The following CALN1 variants were observed in gnomAD, a reference collection of about 807,000 sequenced individuals.
CALN1 encodes calneuron 1.
In CALN1, 17 loss-of-function variants were observed where a neutral mutation model predicts 30.6. The observed-to-expected ratio is 0.56, with a 90% CI of 0.38 to 0.83. The LOEUF (loss-of-function observed/expected upper bound fraction) is 0.83, where lower values mean the gene tolerates loss of function less well. Among genes scored for constraint, CALN1 ranks in the 40% least tolerant of loss-of-function variants. CALN1 has a pLI of 0.00. For missense variants in CALN1, 291 were observed against 354.9 expected (o/e 0.82, Z 1.45); for synonymous variants, 156 against 131.4 (o/e 1.19, Z -1.28).
At position 72,050,994 on chromosome 7, in the gene CALN1, C is replaced by CAATAAATA. The variant is rs10601126; in HGVS notation, c.389-27233_389-27226dup. On this transcript the variant is annotated intron_variant, in intron 4 of 6. Coordinates refer to ENST00000395275, the MANE Select transcript of CALN1 (RefSeq NM_031468.4). Reference sequence around the variant, plus strand: ...TGGGTGACAGAGCAAGACTCCACCACAATAAATAAATAAATAAATAAATAA... The same window carrying CAATAAATA: ...TGGGTGACAGAGCAAGACTCCACCACAATAAATAAATAAATAAATAAATAAATAAATAA... Among the ~76,000 whole-genome samples the CAATAAATA allele has an allele frequency of 8.4e-3, 1,167 of 139,260 alleles. 9 individuals carry two copies. The highest frequency in any genetic ancestry group is 0.02 in the African/African-American group (750 of 36,988). The allele number at this position is 139,260 out of a possible 152,430, so 91.4% of individuals were successfully genotyped here.
chr7:71,947,997 T>C (rs747737438), intron 5 of CALN1, among the ~76,000 whole-genome samples: 5 of 151,792 alleles, frequency 3.3e-5, no homozygotes, highest in Non-Finnish European at 7.4e-5. Flanking sequence ...GAGGCAGGTA[T>C]GTAGGAAGAT....
chr7:72,205,573 T>TACAC (rs1791803854), intron 3 of CALN1, among the ~76,000 whole-genome samples: 1 of 120,724 alleles, frequency 8.3e-6, no homozygotes, highest in African/African-American at 4.0e-5. Flanking sequence ...TATATGTATA[T>TACAC]ATATATATAT....
intron 2 of CALN1, among the ~76,000 whole-genome samples, chr7:72,398,548 AG>A (rs1272530873): frequency 6.6e-6 from 1 of 152,224 alleles, no homozygotes; most frequent in Non-Finnish European, 1.5e-5. Flanking sequence ...CCATAGTGGT[AG>A]GGTTATTTAG....
chr7:72,123,397 C>G (rs1420440574), intron 3 of CALN1, among the ~76,000 whole-genome samples: 1 of 152,146 alleles, frequency 6.6e-6, no homozygotes, highest in Non-Finnish European at 1.5e-5. Flanking sequence ...ACAAGAACTC[C>G]TCTTCTGTTG....
chr7:72,367,818 G>C (rs1017903611), intron 2 of CALN1, among the ~76,000 whole-genome samples: 1 of 152,000 alleles, frequency 6.6e-6, no homozygotes, highest in Non-Finnish European at 1.5e-5. Flanking sequence ...CCAGGTGACA[G>C]AGCAAGACCT....
intron 2 of CALN1, among the ~76,000 whole-genome samples, chr7:72,393,502 A>G (rs192031650): frequency 1.8e-4 from 27 of 152,252 alleles, no homozygotes; most frequent in Non-Finnish European, 3.4e-4. Context: ...ATTCTACACC[A>G]TAACATATGA....
intron 2 of CALN1, among the ~76,000 whole-genome samples, chr7:72,322,836 G>A (rs1233884363): frequency 1.3e-5 from 2 of 151,664 alleles, no homozygotes; most frequent in African/African-American, 4.9e-5. Flanking sequence ...AGGGATAAAC[G>A]TTTGAGGGGA....
intron 2 of CALN1, among the ~76,000 whole-genome samples, chr7:72,320,049 A>G (rs946778560): frequency 6.6e-6 from 1 of 152,178 alleles, no homozygotes; most frequent in Non-Finnish European, 1.5e-5. Flanking sequence ...TGAACCCAGG[A>G]GGCAGAGGCT....
At chr7:72,406,206 G>C (rs900972356) in intron 1 of CALN1, among the ~76,000 whole-genome samples, 1 of 152,140 alleles carries the variant, frequency 6.6e-6, no homozygotes, top group Non-Finnish European at 1.5e-5. Context: ...CTGGCGTAAC[G>C]AGGGAAGCCA....
At chr7:72,236,551 T>C (rs1296669422) in intron 3 of CALN1, among the ~76,000 whole-genome samples, 1 of 152,228 alleles carries the variant, frequency 6.6e-6, no homozygotes, top group Non-Finnish European at 1.5e-5. Flanking sequence ...AGTCCTGCCA[T>C]TCATTGGCAT....
At chr7:71,984,260 C>T (rs1798550465) in intron 5 of CALN1, among the ~76,000 whole-genome samples, 2 of 152,066 alleles carry the variant, frequency 1.3e-5, no homozygotes, top group South Asian at 4.2e-4. Context: ...AGCCTTTGAC[C>T]ATTTAAATGA....
At chr7:71,815,700 C>T (rs1247019933) in intron 5 of CALN1, among the ~76,000 whole-genome samples, 1 of 151,930 alleles carries the variant, frequency 6.6e-6, no homozygotes, top group East Asian at 1.9e-4. Context: ...CTCTCTCTCT[C>T]CCTGCCTCCC....
chr7:72,007,200 G>A (rs1231186097), intron 5 of CALN1, among the ~76,000 whole-genome samples: 1 of 152,202 alleles, frequency 6.6e-6, no homozygotes, highest in African/African-American at 2.4e-5. Flanking sequence ...CACCAGCCAC[G>A]TGACTAACAT....
At chr7:72,041,407 A>G (rs1400114975) in intron 4 of CALN1, among the ~76,000 whole-genome samples, 2 of 151,850 alleles carry the variant, frequency 1.3e-5, no homozygotes, top group Non-Finnish European at 2.9e-5. Context: ...TTTTTGAGAC[A>G]GCATCTGGCT....
intron 5 of CALN1, among the ~76,000 whole-genome samples, chr7:71,950,554 G>A (rs1293936228): frequency 6.6e-6 from 1 of 151,992 alleles, no homozygotes; most frequent in African/African-American, 2.4e-5. Context: ...CCACCACTCT[G>A]GCCCCAAACA....
At chr7:72,146,836 T>C (rs1385524567) in intron 3 of CALN1, among the ~76,000 whole-genome samples, 4 of 152,178 alleles carry the variant, frequency 2.6e-5, no homozygotes, top group African/African-American at 9.7e-5. Flanking sequence ...TATCTGATCT[T>C]TGACAAACCT....
intron 3 of CALN1, among the ~76,000 whole-genome samples, chr7:72,219,133 T>TA (rs1793074871): frequency 6.6e-6 from 1 of 152,206 alleles, no homozygotes; most frequent in Non-Finnish European, 1.5e-5. Context: ...CTCAATTACC[T>TA]CTAGTGACCC....
At chr7:72,383,231 CAT>C (rs2129560954) in intron 2 of CALN1, among the ~76,000 whole-genome samples, 1 of 152,310 alleles carries the variant, frequency 6.6e-6, no homozygotes, top group South Asian at 2.1e-4. Context: ...CGTAACGGTA[CAT>C]GTGTCTTCCT....
At chr7:72,109,389 T>C (rs922294154) in intron 3 of CALN1, among the ~76,000 whole-genome samples, 1 of 152,138 alleles carries the variant, frequency 6.6e-6, no homozygotes, top group Non-Finnish European at 1.5e-5. Context: ...CTTCTTTCTG[T>C]GCATCCGTGG....
Sources: allele counts gnomAD v4.1 joint callset (sites outside exome capture counted in the v4.1 genomes callset), GRCh38; gene constraint gnomAD v4.1.1; transcripts MANE v1.5; gene names NCBI Gene and HGNC (gene_info 2026-07-23, HGNC 2026-07-21).